Variants in GRM8 observed in about 807,000 individuals in gnomAD.
GRM8 encodes the protein glutamate metabotropic receptor 8.
Under a neutral mutation model 87.2 loss-of-function variants are expected in GRM8, and 47 were observed. That is an observed-to-expected ratio of 0.54 (90% confidence interval 0.43 to 0.69). The LOEUF is 0.69. Ranked by LOEUF, GRM8 falls within the 30% of genes least tolerant of loss-of-function variation. The pLI is 0.00. For synonymous variants in GRM8, 396 were observed against 404.5 expected (o/e 0.98, Z 0.25); for missense variants, 1,019 against 1,139.2 (o/e 0.89, Z 1.52).
chr7:127,102,807 C>T (rs17864129), intron 3 of GRM8, among the ~76,000 whole-genome samples: 14,393 of 152,234 alleles, frequency 0.095, 957 homozygotes, highest in Middle Eastern at 0.18. Context: ...GGAGCCCCCA[C>T]ACAGAGTCCC....
In GRM8 at chr7:126,627,952, T is replaced by C. The variant is rs545059296; in HGVS notation, c.1358-18454A>G. Reference sequence around the variant, plus strand: ...CATTCATACTTATGAGTGAGAAGGATCTGTAATTTTTGTTTCTTATAATGT... The same window carrying C: ...CATTCATACTTATGAGTGAGAAGGACCTGTAATTTTTGTTTCTTATAATGT... On this transcript the variant is annotated intron_variant, in intron 7 of 10. Coordinates refer to ENST00000339582, the MANE Select transcript of GRM8 (RefSeq NM_000845.3). Among the ~76,000 whole-genome samples, 18 of 152,334 alleles carry C rather than the reference T, an allele frequency of 1.2e-4. No individual in the cohort carries two copies. The East Asian group carries it at 3.5e-3, about 29-fold the overall frequency.
At chr7:126,835,069 C>G (rs1285350893) in intron 6 of GRM8, among the ~76,000 whole-genome samples, 1 of 136,256 alleles carries the variant, frequency 7.3e-6, no homozygotes, top group East Asian at 2.0e-4. Context: ...GAGTAAAACT[C>G]TATCTCAAAA....
In GRM8 at chr7:127,242,919, T is replaced by C; in HGVS notation, c.286A>G (p.Ile96Val). 1 of 1,614,070 alleles carries C rather than the reference T, an allele frequency of 6.2e-7. No homozygotes were observed. Among genetic ancestry groups the C allele is most frequent in the Non-Finnish European group, 8.5e-7 (1 of 1,179,960 alleles). Reference protein sequence around the residue: ...INKDPDLLSNITLGVRILDTC... With the variant: ...INKDPDLLSNVTLGVRILDTC... Reference sequence around the variant, plus strand: ...TCGAGGATGCGGACACCCAGAGTGATGTTGGAAAGGAGATCAGGGTCCTTG... The same window carrying C: ...TCGAGGATGCGGACACCCAGAGTGACGTTGGAAAGGAGATCAGGGTCCTTG... Residue 96 changes from isoleucine (I) to valine (V), a missense_variant, in exon 2 of 11, where the codon ATC becomes GTC. Coordinates refer to ENST00000339582, the MANE Select transcript of GRM8 (RefSeq NM_000845.3).
intron 6 of GRM8, among the ~76,000 whole-genome samples, chr7:126,828,799 G>A (rs966386944): frequency 6.6e-6 from 1 of 152,106 alleles, no homozygotes; most frequent in African/African-American, 2.4e-5. Flanking sequence ...ATGTTAGGGT[G>A]TCAATTTTGG....
At chr7:126,618,154 G>A (rs1467596538) in intron 7 of GRM8, among the ~76,000 whole-genome samples, 1 of 152,126 alleles carries the variant, frequency 6.6e-6, no homozygotes, top group Non-Finnish European at 1.5e-5. Flanking sequence ...AACCAAAACA[G>A]CATGGTACTG....
chr7:126,948,233 T>C lies in GRM8; in HGVS notation c.728-43550A>G, dbSNP rs555770246. ...TGCTCTGAGAATCCAGAGGAAAGAA[T>C]ACCTTACTCTGCATGAAGAGACAGG... On this transcript the variant is annotated intron_variant, in intron 3 of 10. Coordinates refer to ENST00000339582, the MANE Select transcript of GRM8 (RefSeq NM_000845.3). Among the ~76,000 whole-genome samples the C allele has an allele frequency of 1.2e-4, 18 of 151,990 alleles. No homozygotes were observed. In the South Asian group the frequency reaches 3.7e-3, roughly 32 times the overall value.
Position 127,243,044 on chromosome 7 carries a change from A to G in GRM8, c.161T>C (p.Val54Ala). ...CACCCCTCTCTCTCCCTTTGCGTGG[A>G]CAGGGAAGAGACCCCCCAAAATAAT... ...GDIILGGLFP[V>A]HAKGERGVPC... Residue 54 changes from valine (V) to alanine (A), a missense_variant, in exon 2 of 11, where the codon GTC (valine) becomes GCC (alanine). Transcript: ENST00000339582. 6.2e-7 allele frequency: 1 copy of G among 1,613,970 alleles called. No homozygotes were observed. Among genetic ancestry groups the G allele is most frequent in the East Asian group, 2.2e-5 (1 of 44,862 alleles).
intron 3 of GRM8, among the ~76,000 whole-genome samples, chr7:126,923,442 A>G (rs1172171257): frequency 6.6e-6 from 1 of 152,238 alleles, no homozygotes; most frequent in Non-Finnish European, 1.5e-5. Flanking sequence ...AATAAGACCT[A>G]TCATTTAACC....
chr7:126,736,030 T>C (rs546573369), intron 7 of GRM8, among the ~76,000 whole-genome samples: 28 of 152,182 alleles, frequency 1.8e-4, no homozygotes, highest in Middle Eastern at 3.4e-3. Flanking sequence ...TAATGTTAAG[T>C]TCTTCCAGAA....
chr7:126,507,695 A>G (rs1022058371), intron 9 of GRM8, among the ~76,000 whole-genome samples: 2 of 152,166 alleles, frequency 1.3e-5, no homozygotes, highest in South Asian at 4.1e-4. Context: ...TAAAGTATCA[A>G]CTTCCCTTTG....
At chr7:126,710,768 G>A (rs997204469) in intron 7 of GRM8, among the ~76,000 whole-genome samples, 3 of 152,110 alleles carry the variant, frequency 2.0e-5, no homozygotes, top group African/African-American at 7.2e-5. Context: ...TCCATTAATC[G>A]TGAATGTTCT....
chr7:126,617,769 C>G (rs1329573001), intron 7 of GRM8, among the ~76,000 whole-genome samples: 1 of 152,172 alleles, frequency 6.6e-6, no homozygotes, highest in Non-Finnish European at 1.5e-5. Context: ...AGTGAACTCC[C>G]ATTTACAATT....
chr7:126,927,412 T>C (rs1008952802), intron 3 of GRM8, among the ~76,000 whole-genome samples: 11 of 152,286 alleles, frequency 7.2e-5, no homozygotes, highest in East Asian at 1.9e-4. Flanking sequence ...GGTGGGATTA[T>C]AGGTGTGAGC....
At chr7:127,040,912 G>C (rs1021789978) in intron 3 of GRM8, among the ~76,000 whole-genome samples, 1 of 152,174 alleles carries the variant, frequency 6.6e-6, no homozygotes, top group South Asian at 2.1e-4. Flanking sequence ...AAATGTGCTG[G>C]ATTTAAAGCA....
intron 6 of GRM8, among the ~76,000 whole-genome samples, chr7:126,845,918 A>C (rs1477326956): frequency 6.6e-5 from 10 of 152,014 alleles, no homozygotes; most frequent in Non-Finnish European, 1.3e-4. Context: ...AGATGGGGAA[A>C]AAATGTGCAG....
intron 7 of GRM8, among the ~76,000 whole-genome samples, chr7:126,644,817 A>T (rs546865822): frequency 6.6e-6 from 1 of 152,332 alleles, no homozygotes; most frequent in Admixed American, 6.5e-5. Context: ...GTCATAATAG[A>T]TAACCATTTT....
intron 7 of GRM8, among the ~76,000 whole-genome samples, chr7:126,702,961 G>T (rs1167976897): frequency 6.6e-6 from 1 of 152,102 alleles, no homozygotes; most frequent in Non-Finnish European, 1.5e-5. Flanking sequence ...GCTGGGAAAA[G>T]ACTTGGCACG....
At chr7:127,201,540 A>G (rs1304597848) in intron 2 of GRM8, among the ~76,000 whole-genome samples, 2 of 152,252 alleles carry the variant, frequency 1.3e-5, no homozygotes, top group Admixed American at 6.5e-5. Context: ...TGATCTCATT[A>G]AAGGATCAAC....
At chr7:127,166,113 G>A (rs1350156133) in intron 2 of GRM8, among the ~76,000 whole-genome samples, 2 of 152,038 alleles carry the variant, frequency 1.3e-5, no homozygotes, top group Admixed American at 1.3e-4. Flanking sequence ...TTTGTAATTG[G>A]GTTAATGGAA....
Sources: allele counts gnomAD v4.1 joint callset (sites outside exome capture counted in the v4.1 genomes callset), GRCh38; gene constraint gnomAD v4.1.1; transcripts MANE v1.5; gene names NCBI Gene and HGNC (gene_info 2026-07-23, HGNC 2026-07-21).